The following CAMK4 variants were observed in gnomAD, a reference collection of about 807,000 sequenced individuals.
The protein encoded by CAMK4 is calcium/calmodulin-dependent protein kinase type IV.
A neutral mutation model predicts 44.9 loss-of-function variants in CAMK4; 22 were observed. The ratio of observed to expected loss-of-function variants is 0.49; its 90% CI spans 0.35 to 0.70. The LOEUF (loss-of-function observed/expected upper bound fraction) is 0.70. Ranked by LOEUF, CAMK4 falls within the 30% of genes least tolerant of loss-of-function variation. The probability of loss-of-function intolerance (pLI) is 0.01; values close to 1 mark genes in which losing one functional copy is unlikely to be tolerated. For synonymous variants in CAMK4, 218 were observed against 215.4 expected (o/e 1.01, Z -0.11); for missense variants, 498 against 586.8 (o/e 0.85, Z 1.56).
At chr5:111,443,133 G>A (rs191041832) in intron 5 of CAMK4, among the ~76,000 whole-genome samples, 212 of 148,728 alleles carry the variant, frequency 1.4e-3, no homozygotes, top group African/African-American at 4.8e-3. Context: ...TTGAGATAAT[G>A]TAAAGGTTAG....
chr5:111,360,719 C>A (rs534940533), intron 2 of CAMK4, among the ~76,000 whole-genome samples: 55 of 152,162 alleles, frequency 3.6e-4, no homozygotes, highest in Non-Finnish European at 7.8e-4. Context: ...GAGAAAGATG[C>A]TGGGAAGGAC....
At chr5:111,400,787 A>C (rs1270257132) in intron 5 of CAMK4, among the ~76,000 whole-genome samples, 1 of 152,182 alleles carries the variant, frequency 6.6e-6, no homozygotes, top group Non-Finnish European at 1.5e-5. Flanking sequence ...CCAGTGGTCC[A>C]AAGTTAAATG....
chr5:111,235,165 G>A (rs1474332210), intron 1 of CAMK4, among the ~76,000 whole-genome samples: 1 of 152,096 alleles, frequency 6.6e-6, no homozygotes, highest in Admixed American at 6.5e-5. Flanking sequence ...CTTTAATTTA[G>A]TAAGCAGCTG....
intron 2 of CAMK4, among the ~76,000 whole-genome samples, chr5:111,362,904 C>A (rs1244854109): frequency 6.6e-6 from 1 of 152,064 alleles, no homozygotes; most frequent in African/African-American, 2.4e-5. Flanking sequence ...TAGTACATTC[C>A]AATTCTCACC....
At chr5:111,463,684 C>A (rs930512915) in intron 7 of CAMK4, among the ~76,000 whole-genome samples, 1 of 152,168 alleles carries the variant, frequency 6.6e-6, no homozygotes, top group Non-Finnish European at 1.5e-5. Flanking sequence ...GTAGACACCC[C>A]CCACTACCAG....
chr5:111,408,265 C>T (rs573829982), intron 5 of CAMK4, among the ~76,000 whole-genome samples: 1 of 152,052 alleles, frequency 6.6e-6, no homozygotes, highest in African/African-American at 2.4e-5. Flanking sequence ...AAGATATAGC[C>T]CAGAGTGAGT....
intron 1 of CAMK4, among the ~76,000 whole-genome samples, chr5:111,334,948 TA>T (rs550735990): frequency 2.1e-4 from 31 of 148,290 alleles, no homozygotes; most frequent in African/African-American, 6.4e-4. Flanking sequence ...ACCTCCCATT[TA>T]AAAAAAAAAG....
chr5:111,366,379 A>T (rs1170761545), intron 2 of CAMK4, among the ~76,000 whole-genome samples: 1 of 152,132 alleles, frequency 6.6e-6, no homozygotes, highest in African/African-American at 2.4e-5. Flanking sequence ...AGGTCACCCC[A>T]GTTTTCCAAG....
chr5:111,374,922 T>C lies in CAMK4; in HGVS notation c.303+10T>C. 6.3e-7 allele frequency: 1 copy of C among 1,582,964 alleles called. No homozygotes were observed. The highest frequency in any genetic ancestry group is 8.7e-7 in the Non-Finnish European group (1 of 1,152,318). On this transcript the variant is annotated intron_variant, in intron 3 of 10. Transcript: ENST00000282356. ...CTCACATCCAAACATTGTAAGTGGTTTTTAACCTACTATTTCAAATGATTG... is the reference window on the plus strand; with the variant it reads ...CTCACATCCAAACATTGTAAGTGGTCTTTAACCTACTATTTCAAATGATTG...
intron 5 of CAMK4, among the ~76,000 whole-genome samples, chr5:111,419,445 T>G (rs1191786180): frequency 1.3e-5 from 2 of 152,232 alleles, no homozygotes; most frequent in Admixed American, 6.5e-5. Context: ...CTCTTTAATT[T>G]AATTAGATCC....
At chr5:111,234,918 C>G (rs1748645536) in intron 1 of CAMK4, among the ~76,000 whole-genome samples, 1 of 152,106 alleles carries the variant, frequency 6.6e-6, no homozygotes, top group Admixed American at 6.5e-5. Flanking sequence ...GTAGACAGAA[C>G]TTGACTAATA....
chr5:111,347,119 A>C (rs527614829), intron 2 of CAMK4, among the ~76,000 whole-genome samples: 1 of 151,980 alleles, frequency 6.6e-6, no homozygotes, highest in Non-Finnish European at 1.5e-5. Context: ...AGATTCTTTG[A>C]TTTACAGTTG....
intron 1 of CAMK4, among the ~76,000 whole-genome samples, chr5:111,324,798 A>G (rs1005537049): frequency 6.6e-6 from 1 of 152,044 alleles, no homozygotes; most frequent in African/African-American, 2.4e-5. Context: ...TTGAAACATA[A>G]TATACATCTC....
Position 111,482,731 on chromosome 5 carries a change from A to C in CAMK4, c.829-54A>C. The C allele has an allele frequency of 1.4e-6, 2 of 1,424,318 alleles. No homozygotes were observed. The highest frequency in any genetic ancestry group is 1.9e-6 in the Non-Finnish European group (2 of 1,038,382). 88.2% of individuals were successfully genotyped at this position (1,424,318 alleles called of 1,614,324 possible). A position where few individuals can be genotyped will look rare whatever the true frequency, so the allele number is the denominator to read the frequency against. ...ATCTGGAAGTTTGTAAGCTGAGGGC[A>C]AGCCCAGGTCATCCTAAAAACCTCG... On this transcript the variant is annotated intron_variant, in intron 9 of 10. Coordinates refer to ENST00000282356, the MANE Select transcript of CAMK4 (RefSeq NM_001744.6). The surrounding 1 kb of genome is among the most constrained non-coding windows in gnomAD (Gnocchi z 4.9).
At position 111,411,668 on chromosome 5, in the gene CAMK4, G is replaced by T. The variant is rs553715069; in HGVS notation, c.459+16886G>T. On this transcript the variant is annotated intron_variant, in intron 5 of 10. Coordinates refer to ENST00000282356, the MANE Select transcript of CAMK4 (RefSeq NM_001744.6). Reference sequence around the variant, plus strand: ...GTGATCATCACTATTTACAATTAAGGTAAATGATGATTTACAATTAAGATA... The same window carrying T: ...GTGATCATCACTATTTACAATTAAGTTAAATGATGATTTACAATTAAGATA... 5.9e-5 allele frequency among the ~76,000 whole-genome samples: 9 copies of T among 152,168 alleles called. No homozygotes were observed. In the South Asian group the frequency reaches 1.9e-3, roughly 32 times the overall value.
chr5:111,370,730 C>A (rs778815888), intron 2 of CAMK4, among the ~76,000 whole-genome samples: 44 of 152,100 alleles, frequency 2.9e-4, no homozygotes, highest in Admixed American at 7.2e-4. Context: ...TCCTGGCCAA[C>A]ATGATGAAAC....
At chr5:111,413,764 A>C (rs1752712972) in intron 5 of CAMK4, among the ~76,000 whole-genome samples, 1 of 152,120 alleles carries the variant, frequency 6.6e-6, no homozygotes, top group Non-Finnish European at 1.5e-5. Flanking sequence ...TAAACAGAAA[A>C]TATAGGTTCA....
At chr5:111,239,709 G>A (rs1006858038) in intron 1 of CAMK4, among the ~76,000 whole-genome samples, 2 of 152,118 alleles carry the variant, frequency 1.3e-5, no homozygotes, top group Non-Finnish European at 2.9e-5. Flanking sequence ...CATTATACAC[G>A]GTAAGTGTCC....
chr5:111,321,667 A>G (rs1042611876), intron 1 of CAMK4, among the ~76,000 whole-genome samples: 7 of 152,098 alleles, frequency 4.6e-5, no homozygotes, highest in African/African-American at 1.7e-4. Flanking sequence ...ATTTTGTCCT[A>G]AAATATGTCT....
Sources: gnomAD v4.1 joint callset for allele counts (sites outside exome capture counted in the v4.1 genomes callset) on GRCh38, gnomAD v4.1.1 for gene constraint, Gnocchi (gnomAD v3.1) non-coding constraint, MANE v1.5 for transcripts, NCBI Gene and HGNC (gene_info 2026-07-23, HGNC 2026-07-21) for gene names.